TIGAR: variants seen among roughly 807,000 people sequenced by gnomAD.
TIGAR encodes the protein fructose-2,6-bisphosphatase TIGAR.
A neutral mutation model predicts 17.9 loss-of-function variants in TIGAR; 7 were observed. The observed-to-expected ratio is 0.39, with a 90% CI of 0.22 to 0.73. The LOEUF (loss-of-function observed/expected upper bound fraction) is 0.73. Among genes scored for constraint, TIGAR ranks in the 30% least tolerant of loss-of-function variants. The probability of loss-of-function intolerance (pLI) is 0.42; values close to 1 mark genes in which losing one functional copy is unlikely to be tolerated. For missense variants in TIGAR, 258 were observed against 327.4 expected (o/e 0.79, Z 1.64); for synonymous variants, 94 against 108.6 (o/e 0.87, Z 0.84).
intron 5 of TIGAR, 38 bp downstream of exon 5, chr12:4,351,415 G>T (rs763293718): frequency 4.5e-6 from 7 of 1,556,116 alleles, no homozygotes; most frequent in South Asian, 2.2e-5. Flanking sequence ...GTTGAATTAA[G>T]ACTCAAAATT....
intron 4 of TIGAR, among the ~76,000 whole-genome samples, chr12:4,350,184 A>G (rs1565450701): frequency 1.3e-5 from 2 of 152,232 alleles, no homozygotes; most frequent in Non-Finnish European, 2.9e-5. Context: ...ATATTGCATA[A>G]TTTATGTAAC....
At chr12:4,331,576 C>T (rs1437689993) in intron 2 of TIGAR, among the ~76,000 whole-genome samples, 1 of 152,076 alleles carries the variant, frequency 6.6e-6, no homozygotes, top group Non-Finnish European at 1.5e-5. Flanking sequence ...GCTCTGTCAG[C>T]TGATTAATTA....
intron 3 of TIGAR, among the ~76,000 whole-genome samples, chr12:4,347,132 A>T (rs1368294825): frequency 6.6e-6 from 1 of 152,258 alleles, no homozygotes; most frequent in Non-Finnish European, 1.5e-5. Context: ...AGTAGCCAAG[A>T]TTTGGAAATA....
At chr12:4,336,428 T>C (rs1864658159) in intron 2 of TIGAR, among the ~76,000 whole-genome samples, 1 of 149,008 alleles carries the variant, frequency 6.7e-6, no homozygotes, top group African/African-American at 2.5e-5. Context: ...TTGTATGTTC[T>C]GTGGGCCCAG....
chr12:4,324,839 T>G (rs963943764), intron 1 of TIGAR: 3 of 534,376 alleles, frequency 5.6e-6, no homozygotes, highest in Non-Finnish European at 6.7e-6. Flanking sequence ...AAAGTTCACT[T>G]CCATTTTTAG....
intron 1 of TIGAR, among the ~76,000 whole-genome samples, chr12:4,325,432 A>G (rs1018093299): frequency 6.6e-6 from 1 of 152,152 alleles, no homozygotes; most frequent in Non-Finnish European, 1.5e-5. Flanking sequence ...TAAAAGTATA[A>G]AGATACCTTG....
rs1283518535 is a variant in TIGAR, at chr12:4,331,336, T to C, written c.70+19T>C. 5.0e-6 allele frequency: 8 copies of C among 1,604,594 alleles called. 1 individual carries two copies. The South Asian group carries it at 8.8e-5, about 18-fold the overall frequency. On this transcript the variant is annotated intron_variant, in intron 2 of 5. Transcript: ENST00000179259. ...ATCCAAGGTTGGTATAATCCGATTG[T>C]TATTTTAGCTCTCACCCTTGTGTTA... is the stretch of plus-strand genomic sequence containing the variant.
intron 1 of TIGAR, among the ~76,000 whole-genome samples, chr12:4,323,419 G>C (rs868299976): frequency 1.3e-5 from 2 of 152,174 alleles, no homozygotes; most frequent in Non-Finnish European, 2.9e-5. Context: ...CTTAAAAAGG[G>C]TTTGATTCCG....
Position 4,321,540 on chromosome 12 carries a change from T to C in TIGAR, c.32+237T>C, listed in dbSNP as rs1265780443. ...GTCTTAGATAGCTTCGTTCCGTGTT[T>C]CAGATAAAGTGAGGCCCGGAGGAGC... On this transcript the variant is annotated intron_variant, in intron 1 of 5. Coordinates refer to ENST00000179259, the MANE Select transcript of TIGAR (RefSeq NM_020375.3). This position sits in a 1 kb window ranked among gnomAD's most constrained non-coding sequence, Gnocchi z 5.2. 2.0e-5 allele frequency among the ~76,000 whole-genome samples: 3 copies of C among 152,156 alleles called. No individual in the cohort carries two copies. Among genetic ancestry groups the C allele is most frequent in the African/African-American group, 7.2e-5 (3 of 41,452 alleles).
chr12:4,334,497 A>G (rs1035835582), intron 2 of TIGAR, among the ~76,000 whole-genome samples: 9 of 152,226 alleles, frequency 5.9e-5, no homozygotes, highest in South Asian at 2.1e-4. Flanking sequence ...CTAATAAAGT[A>G]TAATATTAAT....
intron 1 of TIGAR, among the ~76,000 whole-genome samples, chr12:4,322,903 G>C (rs1591657662): frequency 6.6e-6 from 1 of 152,016 alleles, no homozygotes; most frequent in Admixed American, 6.6e-5. Context: ...CTAGAGGCCT[G>C]ATCACCCTTT....
chr12:4,332,538 G>C (rs10849039), intron 2 of TIGAR, among the ~76,000 whole-genome samples: 130,462 of 152,120 alleles, frequency 0.86, 56,077 homozygotes, highest in East Asian at 0.98. Context: ...GCCGCCGCAC[G>C]CGGCCTCAAG....
rs1386431814 is a variant in TIGAR at position 4,355,745 on chromosome 12, G to T, written c.*3054G>T. Reference sequence around the variant, plus strand: ...AAGACAGTGTGTTGGCTCACATTGTGGTCAGTGCTGTTGAGCAAAATAGGT... The same window carrying T: ...AAGACAGTGTGTTGGCTCACATTGTTGTCAGTGCTGTTGAGCAAAATAGGT... On this transcript the variant is annotated 3_prime_UTR_variant, in exon 6 of 6. Transcript: ENST00000179259. 6.6e-6 allele frequency among the ~76,000 whole-genome samples: 1 copy of T among 152,208 alleles called. No individual in the cohort carries two copies. Among genetic ancestry groups the T allele is most frequent in the Non-Finnish European group, 1.5e-5 (1 of 68,044 alleles).
intron 3 of TIGAR, among the ~76,000 whole-genome samples, chr12:4,349,496 C>T (rs2120690034): frequency 6.6e-6 from 1 of 152,146 alleles, no homozygotes; most frequent in East Asian, 1.9e-4. Flanking sequence ...CAGCTCACTG[C>T]AACCTCCGCC....
At chr12:4,341,892 CTT>C (rs1456421905) in intron 3 of TIGAR, among the ~76,000 whole-genome samples, 2 of 152,358 alleles carry the variant, frequency 1.3e-5, no homozygotes, top group Admixed American at 1.3e-4. Context: ...CGGAGAATGA[CTT>C]TGACGAGCTG....
intron 2 of TIGAR, among the ~76,000 whole-genome samples, chr12:4,333,762 C>T (rs1864629492): frequency 6.6e-6 from 1 of 152,036 alleles, no homozygotes; most frequent in African/African-American, 2.4e-5. Flanking sequence ...CCGCGCCTGG[C>T]CTAATTTTTG....
chr12:4,327,522 G>A (rs889839205), intron 1 of TIGAR, among the ~76,000 whole-genome samples: 1 of 152,080 alleles, frequency 6.6e-6, no homozygotes, highest in African/African-American at 2.4e-5. Context: ...GCCCATAATT[G>A]GCTGAAAGCT....
chr12:4,329,090 T>C (rs1864576986), intron 1 of TIGAR, among the ~76,000 whole-genome samples: 1 of 152,170 alleles, frequency 6.6e-6, no homozygotes, highest in South Asian at 2.1e-4. Flanking sequence ...TTTCTTTTTA[T>C]ATTACTCTAT....
At chr12:4,349,344 C>G (rs1864813028) in intron 3 of TIGAR, among the ~76,000 whole-genome samples, 1 of 151,766 alleles carries the variant, frequency 6.6e-6, no homozygotes, top group African/African-American at 2.4e-5. Flanking sequence ...ATATCAAAAT[C>G]AGGAATGAAG....
Sources: gnomAD v4.1 joint callset for allele counts (sites outside exome capture counted in the v4.1 genomes callset) on GRCh38, gnomAD v4.1.1 for gene constraint, Gnocchi (gnomAD v3.1) non-coding constraint, MANE v1.5 for transcripts, NCBI Gene and HGNC (gene_info 2026-07-23, HGNC 2026-07-21) for gene names.